GRB7: variants seen among roughly 807,000 people sequenced by gnomAD.
GRB7 encodes the protein growth factor receptor bound protein 7.
In GRB7, 47 loss-of-function variants were observed where a neutral mutation model predicts 64.1. That is an observed-to-expected ratio of 0.73 (90% CI 0.58 to 0.94). GRB7 has a LOEUF of 0.94. Ranked by LOEUF, GRB7 falls within the 40% of genes least tolerant of loss-of-function variation. GRB7 has a pLI of 0.00. For missense variants in GRB7, 634 were observed against 718.4 expected (o/e 0.88, Z 1.34); for synonymous variants, 277 against 279.9 (o/e 0.99, Z 0.10).
intron 1 of GRB7, among the ~76,000 whole-genome samples, chr17:39,741,423 T>C (rs1357959337): frequency 6.6e-6 from 1 of 152,188 alleles, no homozygotes; most frequent in Non-Finnish European, 1.5e-5. Context: ...CCCGCTCTCC[T>C]GCCTTTCTGA....
intron 8 of GRB7, 91 bp downstream of exon 8, chr17:39,744,754 C>A: frequency 1.5e-6 from 2 of 1,325,702 alleles, no homozygotes; most frequent in Non-Finnish European, 2.1e-6. Context: ...AGCCCCAATT[C>A]AGACACCTAG....
Position 39,746,014 on chromosome 17 carries a change from C to T in GRB7, c.1358+14C>T. 4.3e-6 allele frequency: 7 copies of T among 1,613,788 alleles called. No homozygotes were observed. The highest frequency in any genetic ancestry group is 5.1e-6 in the Non-Finnish European group (6 of 1,179,718). On this transcript the variant is annotated intron_variant, in intron 13 of 14. Coordinates refer to ENST00000309156, the MANE Select transcript of GRB7 (RefSeq NM_005310.5). ...CTTGGTAGACGGGTAAGGGGCAGGG[C>T]CGGGCAACAGACCCAGGGATAAGAG...
chr17:39,740,647 A>G (rs1305491677), intron 1 of GRB7, among the ~76,000 whole-genome samples: 6 of 149,846 alleles, frequency 4.0e-5, no homozygotes, highest in African/African-American at 7.4e-5. Context: ...TCAGGCCCAC[A>G]TCCTCCTCCC....
chr17:39,742,257 GGGCACACAACT>G lies in GRB7; in HGVS notation c.-42_-32del. 1 of 1,612,760 alleles carries G rather than the reference GGGCACACAACT, an allele frequency of 6.2e-7. No individual in the cohort carries two copies. Among genetic ancestry groups the G allele is most frequent in the Non-Finnish European group, 8.5e-7 (1 of 1,178,916 alleles). On this transcript the variant is annotated 5_prime_UTR_variant, in exon 2 of 15. Coordinates refer to ENST00000309156, the MANE Select transcript of GRB7 (RefSeq NM_005310.5). The stretch of plus-strand genomic sequence containing the variant: ...CTCTCATCCCCTCTCCCCAGGACAA[GGGCACACAACT>G]GGTTCCGTTAAGCCCCTCTCTTGCT...
chr17:39,746,321 C>T (rs1000569285), intron 14 of GRB7, 119 bp downstream of exon 14: 2 of 806,292 alleles, frequency 2.5e-6, no homozygotes, highest in African/African-American at 1.7e-5. Context: ...CTTTTCCCTG[C>T]ACAAGAAGTG....
In GRB7 at chr17:39,745,517, G is replaced by A. The variant is rs373908120; in HGVS notation, c.1188G>A (p.Leu396=). The change falls in exon 11 of 15, where the codon CTG becomes CTA. Residue 396 remains leucine, a synonymous_variant. Transcript: ENST00000309156. ...ENPREALSVA[L]EEAQAWRKKT... ...CCCGGGAGGCTCTGAGTGTGGCCCT[G>A]GAGGAGGCCCAGGCCTGGAGGGTGA... 1.2e-6 allele frequency: 2 copies of A among 1,613,566 alleles called. No individual in the cohort carries two copies. The highest frequency in any genetic ancestry group is 1.7e-5 in the Admixed American group (1 of 60,008).
rs1310132375 is a variant in GRB7, at chr17:39,745,522, A to C, written c.1193A>C (p.Glu398Ala). 3 of 1,613,174 alleles carry C rather than the reference A, an allele frequency of 1.9e-6. No homozygotes were observed. Among genetic ancestry groups the C allele is most frequent in the Non-Finnish European group, 2.5e-6 (3 of 1,179,672 alleles). Residue 398 changes from glutamate to alanine, a missense_variant, in exon 11 of 15, where the codon GAG becomes GCG. Physicochemically the swap from Glu to Ala is moderately radical, Grantham distance 107. This residue lies in a region of GRB7 where 467 missense variants were observed against 576.6 expected (regional missense o/e 0.81). Transcript: ENST00000309156. ...PREALSVALE[E>A]AQAWRKKTNH... is the part of the protein sequence containing the mutation. ...GAGGCTCTGAGTGTGGCCCTGGAGG[A>C]GGCCCAGGCCTGGAGGGTGAGGCCT... is the stretch of plus-strand genomic sequence containing the variant.
rs748261826 is a variant in GRB7 at position 39,743,205 on chromosome 17, C to T, written c.489C>T (p.Ser163=). 2.9e-5 allele frequency: 46 copies of T among 1,614,032 alleles called. No individual in the cohort carries two copies. The South Asian group carries it at 4.1e-4, about 14-fold the overall frequency. ...ALERGLEDHE[S]VVEVQAAWPV... ...AGCGGGGTTTGGAGGACCACGAGTC[C>T]GTGGTGGAAGTGCAGGCTGCCTGGC... The change falls in exon 5 of 15, where the codon TCC becomes TCT. Residue 163 remains serine (S), a synonymous_variant. Coordinates refer to ENST00000309156, the MANE Select transcript of GRB7 (RefSeq NM_005310.5).
In GRB7 at chr17:39,742,898, G is replaced by C. The variant is rs774329103; in HGVS notation, c.307G>C (p.Val103Leu). The C allele has an allele frequency of 2.3e-5, 36 of 1,581,382 alleles. No homozygotes were observed. The highest frequency in any genetic ancestry group is 3.0e-5 in the Non-Finnish European group (35 of 1,162,032). The change falls in exon 4 of 15, where the codon GTA becomes CTA. Residue 103 changes from valine (V) to leucine (L), a missense_variant and splice_region_variant. By Grantham distance (32) the Val-to-Leu change is conservative. Transcript: ENST00000309156. The part of the protein sequence containing the change: ...LLPRDASRPH[V>L]VKVYSEDGAC... ...GTCGTGTGCAATTCCTGGGGCGCAG[G>C]TAGTAAAGGTGTACAGTGAGGATGG...
At chr17:39,741,794 C>A (rs113903339) in intron 1 of GRB7, among the ~76,000 whole-genome samples, 4 of 151,554 alleles carry the variant, frequency 2.6e-5, no homozygotes, top group African/African-American at 4.8e-5. Context: ...CCAAGGCGGG[C>A]GGATCAGGAG....
rs1054145858 is a variant in GRB7, at chr17:39,744,732, C to T, written c.912+69C>T. ...AACTGCTCAGGCCCCTGGATCCTGC[C>T]CGGGGCTTCTGAGCCCCAATTCAGA... On this transcript the variant is annotated intron_variant, in intron 8 of 14. Coordinates refer to ENST00000309156, the MANE Select transcript of GRB7 (RefSeq NM_005310.5). The T allele has an allele frequency of 4.9e-6, 7 of 1,422,802 alleles. No homozygotes were observed. The East Asian group carries it at 1.7e-4, about 35-fold the overall frequency. The allele number at this position is 1,422,802 out of a possible 1,614,324, so 88.1% of individuals were successfully genotyped here.
intron 7 of GRB7, 43 bp downstream of exon 7, chr17:39,744,250 G>T (rs762294628): frequency 6.2e-7 from 1 of 1,607,402 alleles, no homozygotes; most frequent in South Asian, 1.1e-5. Context: ...CCAGTCCCTG[G>T]TCCTTTTAGA....
chr17:39,745,609 G>T, intron 11 of GRB7, 71 bp downstream of exon 11: 1 of 1,561,164 alleles, frequency 6.4e-7, no homozygotes, highest in South Asian at 1.1e-5. Context: ...TGAAATAGGA[G>T]GGAGGAAGAG....
chr17:39,742,274 C>T lies in GRB7; in HGVS notation c.-28C>T, dbSNP rs780540343. 15 of 1,613,576 alleles carry T rather than the reference C, an allele frequency of 9.3e-6. No homozygotes were observed. The African/African-American group carries it at 1.3e-4, about 14-fold the overall frequency. On this transcript the variant is annotated 5_prime_UTR_variant, in exon 2 of 15. Coordinates refer to ENST00000309156, the MANE Select transcript of GRB7 (RefSeq NM_005310.5). ...CAGGACAAGGGCACACAACTGGTTC[C>T]GTTAAGCCCCTCTCTTGCTCAGACG...
chr17:39,746,463 A>T (rs2060047427), intron 14 of GRB7, among the ~76,000 whole-genome samples: 1 of 152,038 alleles, frequency 6.6e-6, no homozygotes, highest in African/African-American at 2.4e-5. Context: ...CAAATAATTT[A>T]AAAATGAGCC....
chr17:39,742,746 G>C lies in GRB7; in HGVS notation c.306+30G>C, dbSNP rs573334038. 4 of 1,535,788 alleles carry C rather than the reference G, an allele frequency of 2.6e-6. No individual in the cohort carries two copies. In the African/African-American group the frequency reaches 5.5e-5, roughly 21 times the overall value. On this transcript the variant is annotated intron_variant, in intron 3 of 14. Transcript: ENST00000309156. ...GTTGTCCCTCAGAAGGGAAGGGAGG[G>C]ATGCACGGGTTCTGGGTCTGTGGGA...
intron 1 of GRB7, among the ~76,000 whole-genome samples, chr17:39,741,985 AAAAAAAAGGAG>A (rs995323565): frequency 6.0e-5 from 9 of 150,448 alleles, no homozygotes; most frequent in South Asian, 4.2e-4. Context: ...AAAAAAAAAA[AAAAAAAAGGAG>A]AAAAAAAACA....
intron 1 of GRB7, among the ~76,000 whole-genome samples, chr17:39,741,234 GT>G (rs1404867883): frequency 6.6e-6 from 1 of 152,190 alleles, no homozygotes; most frequent in East Asian, 1.9e-4. Flanking sequence ...CTGAGAGAGA[GT>G]CATTCAGTCT....
Position 39,747,087 on chromosome 17 carries a change from T to C in GRB7, c.*190T>C, listed in dbSNP as rs1015705561. Reference sequence around the variant, plus strand: ...AACAGCCCCCACTCCAGTCCACTCCTGACCCCTCTCCTCAAGGGAAGGCCT... The same window carrying C: ...AACAGCCCCCACTCCAGTCCACTCCCGACCCCTCTCCTCAAGGGAAGGCCT... On this transcript the variant is annotated 3_prime_UTR_variant, in exon 15 of 15. Coordinates refer to ENST00000309156, the MANE Select transcript of GRB7 (RefSeq NM_005310.5). 23 of 616,372 alleles carry C rather than the reference T, an allele frequency of 3.7e-5. No individual in the cohort carries two copies. The highest frequency in any genetic ancestry group is 5.8e-5 in the Non-Finnish European group (21 of 360,884). The allele number at this position is 616,372 out of a possible 1,614,324, so 38.2% of individuals were successfully genotyped here.
Sources: allele counts gnomAD v4.1 joint callset (sites outside exome capture counted in the v4.1 genomes callset), GRCh38; gene constraint gnomAD v4.1.1; regional missense constraint gnomAD v4.1.1; transcripts MANE v1.5; gene names NCBI Gene and HGNC (gene_info 2026-07-23, HGNC 2026-07-21).